The following DKK2 variants were observed in gnomAD, a reference collection of about 807,000 sequenced individuals.
DKK2 encodes dickkopf-related protein 2.
In DKK2, 11 loss-of-function variants were observed where a neutral mutation model predicts 28.1. That is an observed-to-expected ratio of 0.39 (90% CI 0.25 to 0.65). The LOEUF (loss-of-function observed/expected upper bound fraction) is 0.65, where lower values mean the gene tolerates loss of function less well. DKK2 is among the 30% of genes least tolerant of loss of function. The pLI, the probability that DKK2 is intolerant of heterozygous loss-of-function variation, is 0.47. For missense variants in DKK2, 326 were observed against 335.5 expected, an observed-to-expected ratio of 0.97 and a Z score of 0.22; for synonymous variants, 135 against 126.5, an observed-to-expected ratio of 1.07 and a Z score of -0.45.
intron 1 of DKK2, among the ~76,000 whole-genome samples, chr4:106,987,874 T>C (rs890408983): frequency 2.0e-5 from 3 of 151,620 alleles, no homozygotes; most frequent in African/African-American, 7.3e-5. Context: ...TTCTTTTTTT[T>C]TTTTTTTTGA....
chr4:106,935,098 T>C (rs1221851379), intron 1 of DKK2, among the ~76,000 whole-genome samples: 1 of 151,748 alleles, frequency 6.6e-6, no homozygotes, highest in Admixed American at 6.6e-5. Flanking sequence ...TAAAAAAGCA[T>C]GACAAGGGGA....
chr4:106,990,379 T>C (rs949219656), intron 1 of DKK2, among the ~76,000 whole-genome samples: 1 of 152,134 alleles, frequency 6.6e-6, no homozygotes, highest in African/African-American at 2.4e-5. Context: ...AGTAAGGGGA[T>C]ACAGTGGTTT....
intron 1 of DKK2, among the ~76,000 whole-genome samples, chr4:106,985,623 A>T (rs1723104930): frequency 6.6e-6 from 1 of 151,966 alleles, no homozygotes; most frequent in Non-Finnish European, 1.5e-5. Flanking sequence ...ATCCTGGCCA[A>T]CATGGTGAGA....
At chr4:106,973,268 G>A (rs898432642) in intron 1 of DKK2, among the ~76,000 whole-genome samples, 5 of 152,050 alleles carry the variant, frequency 3.3e-5, no homozygotes, top group Non-Finnish European at 5.9e-5. Context: ...GGGACTGCTG[G>A]GTCAAATGGT....
chr4:106,949,911 C>G (rs1023009739), intron 1 of DKK2, among the ~76,000 whole-genome samples: 2 of 152,106 alleles, frequency 1.3e-5, no homozygotes, highest in African/African-American at 4.8e-5. Flanking sequence ...ACTGTTAACA[C>G]AGCCCAGCAT....
chr4:106,996,537 C>T (rs1346420856), intron 1 of DKK2, among the ~76,000 whole-genome samples: 5 of 152,136 alleles, frequency 3.3e-5, no homozygotes, highest in African/African-American at 9.7e-5. Context: ...CTTCTTTCCC[C>T]AAGACATCAA....
chr4:107,026,348 A>G lies in DKK2; in HGVS notation c.222+9022T>C, dbSNP rs374272144. Among the ~76,000 whole-genome samples, 14 of 152,320 alleles carry G rather than the reference A, an allele frequency of 9.2e-5. 1 individual carries two copies. The highest frequency in any genetic ancestry group is 5.9e-4 in the Admixed American group (9 of 15,298). ...GAAAATTAATAAAATATTATTTATG[A>G]AAAGTAAATAGCAAAAAAACTCTTT... is the stretch of plus-strand genomic sequence containing the variant. On this transcript the variant is annotated intron_variant, in intron 1 of 3. Transcript: ENST00000285311.
chr4:107,029,659 T>A (rs1337794888), intron 1 of DKK2, among the ~76,000 whole-genome samples: 1 of 152,196 alleles, frequency 6.6e-6, no homozygotes, highest in African/African-American at 2.4e-5. Flanking sequence ...TAATAAAGTA[T>A]AACATGAAGA....
At chr4:106,943,473 A>T (rs1724731694) in intron 1 of DKK2, among the ~76,000 whole-genome samples, 1 of 152,160 alleles carries the variant, frequency 6.6e-6, no homozygotes, top group Admixed American at 6.6e-5. Context: ...AAAGGAAAAT[A>T]TTGAAAATTA....
In DKK2 at chr4:106,935,648, CCACCT is replaced by C. The variant is rs577823739; in HGVS notation, c.223-9704_223-9700del. On this transcript the variant is annotated intron_variant, in intron 1 of 3. Coordinates refer to ENST00000285311, the MANE Select transcript of DKK2 (RefSeq NM_014421.3). ...GGAGGCCTGCCTGCTTCTGTAGGCT[CCACCT>C]CTGTGGGCAGGGCACAGACAAACAA... 7.2e-5 allele frequency among the ~76,000 whole-genome samples: 11 copies of C among 152,366 alleles called. No homozygotes were observed. In the South Asian group the frequency reaches 2.3e-3, roughly 32 times the overall value.
intron 1 of DKK2, among the ~76,000 whole-genome samples, chr4:107,006,949 A>AACATGTC (rs1723445706): frequency 6.6e-6 from 1 of 152,180 alleles, no homozygotes; most frequent in South Asian, 2.1e-4. Context: ...TAACACAACA[A>AACATGTC]ACATGTCGAA....
In DKK2 at chr4:107,010,772, G is replaced by C. The variant is rs183066032; in HGVS notation, c.222+24598C>G. Among the ~76,000 whole-genome samples, 29 of 151,408 alleles carry C rather than the reference G, an allele frequency of 1.9e-4. No homozygotes were observed. In the East Asian group the frequency reaches 5.2e-3, roughly 27 times the overall value. On this transcript the variant is annotated intron_variant, in intron 1 of 3. Coordinates refer to ENST00000285311, the MANE Select transcript of DKK2 (RefSeq NM_014421.3). ...CTAAGGACACTGTCAGTCTTAAAAA[G>C]TACTGAGGTCCCCAAAGTGCTTTTG... is the stretch of plus-strand genomic sequence containing the variant.
At chr4:106,951,638 G>A (rs879794879) in intron 1 of DKK2, among the ~76,000 whole-genome samples, 4 of 152,144 alleles carry the variant, frequency 2.6e-5, no homozygotes, top group Non-Finnish European at 5.9e-5. Context: ...ACCTCATGAA[G>A]TAGAAGAATG....
intron 1 of DKK2, among the ~76,000 whole-genome samples, chr4:106,950,520 TCAC>T: frequency 1.3e-5 from 1 of 77,328 alleles, no homozygotes; most frequent in Non-Finnish European, 2.7e-5. Context: ...GTTTTGCATC[TCAC>T]TCAGCGTGAA....
At chr4:107,003,949 T>C (rs1723399551) in intron 1 of DKK2, among the ~76,000 whole-genome samples, 1 of 152,210 alleles carries the variant, frequency 6.6e-6, no homozygotes, top group African/African-American at 2.4e-5. Context: ...GGAATTTATA[T>C]TCCGTGTTTG....
chr4:107,035,728 C>A lies in DKK2; in HGVS notation c.-137G>T. ...TGTGTTCCCTCAACCCTTCCTGGTT[C>A]GGGGACCCAGGACCCTATGAACTCA... On this transcript the variant is annotated 5_prime_UTR_variant, in exon 1 of 4. Transcript: ENST00000285311. 2.4e-6 allele frequency: 2 copies of A among 848,906 alleles called. No homozygotes were observed. Among genetic ancestry groups the A allele is most frequent in the Non-Finnish European group, 3.7e-6 (2 of 546,398 alleles). 52.6% of individuals were successfully genotyped at this position (848,906 alleles called of 1,614,324 possible). A position where few individuals can be genotyped will look rare whatever the true frequency, so the allele number is the denominator to read the frequency against.
At chr4:106,963,552 GAAGA>G (rs879261922) in intron 1 of DKK2, among the ~76,000 whole-genome samples, 3 of 152,136 alleles carry the variant, frequency 2.0e-5, no homozygotes, top group Admixed American at 2.0e-4. Flanking sequence ...GTGAGGATGT[GAAGA>G]GAGAGGAACC....
At chr4:106,940,177 G>A (rs374272825) in intron 1 of DKK2, among the ~76,000 whole-genome samples, 8 of 152,070 alleles carry the variant, frequency 5.3e-5, no homozygotes, top group Non-Finnish European at 1.0e-4. Context: ...CAGGCAACCT[G>A]CAAAATGGGA....
intron 1 of DKK2, among the ~76,000 whole-genome samples, chr4:106,990,851 T>C (rs1449144312): frequency 2.6e-5 from 4 of 152,142 alleles, no homozygotes; most frequent in African/African-American, 9.6e-5. Context: ...AAGTGGAAAG[T>C]ATACTAGATG....
Sources: allele counts gnomAD v4.1 joint callset (sites outside exome capture counted in the v4.1 genomes callset), GRCh38; gene constraint gnomAD v4.1.1; transcripts MANE v1.5; gene names NCBI Gene and HGNC (gene_info 2026-07-23, HGNC 2026-07-21).